The following RAB10 variants were observed in gnomAD, a reference collection of about 807,000 sequenced individuals.
The protein encoded by RAB10 is ras-related protein Rab-10.
In RAB10, 5 loss-of-function variants were observed where a neutral mutation model predicts 25.7. That is an observed-to-expected ratio of 0.19 (90% confidence interval 0.10 to 0.41). RAB10 has a LOEUF of 0.41. Among genes scored for constraint, RAB10 ranks in the 10% least tolerant of loss-of-function variants. The pLI is 1.00. For synonymous variants in RAB10, 89 were observed against 86.4 expected, an observed-to-expected ratio of 1.03 and a Z score of -0.16; for missense variants, 103 against 245.8, an observed-to-expected ratio of 0.42 and a Z score of 3.89.
intron 1 of RAB10, among the ~76,000 whole-genome samples, chr2:26,089,562 T>C (rs774620709): frequency 2.0e-5 from 3 of 152,214 alleles, no homozygotes; most frequent in Non-Finnish European, 4.4e-5. Flanking sequence ...AGAAGTCTTA[T>C]TACTTCAGGG....
intron 1 of RAB10, among the ~76,000 whole-genome samples, chr2:26,082,334 T>C (rs1666886181): frequency 6.6e-6 from 1 of 152,084 alleles, no homozygotes; most frequent in South Asian, 2.1e-4. Flanking sequence ...ACTGGGCACA[T>C]CTAATCAGCG....
At chr2:26,086,444 A>T (rs1378199920) in intron 1 of RAB10, among the ~76,000 whole-genome samples, 1 of 152,222 alleles carries the variant, frequency 6.6e-6, no homozygotes, top group East Asian at 1.9e-4. Flanking sequence ...TTAAAAACAC[A>T]AAAGGAAAGT....
intron 3 of RAB10, among the ~76,000 whole-genome samples, chr2:26,120,444 A>T (rs1010777975): frequency 1.3e-5 from 2 of 152,204 alleles, no homozygotes; most frequent in Admixed American, 6.5e-5. Flanking sequence ...AATGCCTCTT[A>T]CTTTTAGCAC....
intron 1 of RAB10, among the ~76,000 whole-genome samples, chr2:26,076,991 G>C (rs1372775728): frequency 6.7e-6 from 1 of 148,696 alleles, no homozygotes; most frequent in Non-Finnish European, 1.5e-5. Flanking sequence ...ACTATAAAGA[G>C]AGCTCAGAAA....
rs142110123 is a variant in RAB10, at chr2:26,133,260, G to A, written c.520-1678G>A. Reference sequence around the variant, plus strand: ...CATGAGAGAATAAGTTCTCAGGTACGTCCTAGCTTTCAAAATGTTGTGATG... The same window carrying A: ...CATGAGAGAATAAGTTCTCAGGTACATCCTAGCTTTCAAAATGTTGTGATG... On this transcript the variant is annotated intron_variant, in intron 5 of 5. Transcript: ENST00000264710. Among the ~76,000 whole-genome samples the A allele has an allele frequency of 7.8e-3, 1,183 of 152,166 alleles. 10 individuals carry two copies. Among genetic ancestry groups the A allele is most frequent in the Non-Finnish European group, 0.012 (845 of 68,008 alleles).
intron 1 of RAB10, among the ~76,000 whole-genome samples, chr2:26,040,650 C>T (rs1162526834): frequency 6.6e-6 from 1 of 151,798 alleles, no homozygotes; most frequent in African/African-American, 2.4e-5. Context: ...AGAGCGAGAC[C>T]GTGTATGATA....
intron 2 of RAB10, among the ~76,000 whole-genome samples, chr2:26,104,884 C>T (rs1667435980): frequency 6.6e-6 from 1 of 151,900 alleles, no homozygotes; most frequent in Non-Finnish European, 1.5e-5. Flanking sequence ...ACTACAGGTG[C>T]CCACCACCAC....
At chr2:26,127,099 G>A (rs1224934898) in intron 3 of RAB10, 45 bp from the exon 4 acceptor site, 31 of 1,370,130 alleles carry the variant, frequency 2.3e-5, no homozygotes, top group African/African-American at 2.9e-5. Context: ...CTGTTAAGCC[G>A]TAATTCATGG....
chr2:26,034,474 C>T lies in RAB10; in HGVS notation c.-135C>T. 5.7e-6 allele frequency: 7 copies of T among 1,232,660 alleles called. No homozygotes were observed. 76.4% of individuals were successfully genotyped at this position (1,232,660 alleles called of 1,614,324 possible). ...TTCCTCAAAGCTGTTCGTAGGTCGC[C>T]CGCGCCGTCTCGAGCCTTTTTCCCA... On this transcript the variant is annotated 5_prime_UTR_variant, in exon 1 of 6. Transcript: ENST00000264710.
At chr2:26,114,808 G>A (rs1299713830) in intron 3 of RAB10, among the ~76,000 whole-genome samples, 1 of 151,618 alleles carries the variant, frequency 6.6e-6, no homozygotes, top group African/African-American at 2.4e-5. Flanking sequence ...GGGAGGCTGA[G>A]GTGGGATCAC....
At chr2:26,067,103 G>A (rs957910740) in intron 1 of RAB10, among the ~76,000 whole-genome samples, 2 of 151,962 alleles carry the variant, frequency 1.3e-5, no homozygotes, top group African/African-American at 4.8e-5. Context: ...TTTTTGTAGA[G>A]ACGGGGTCTC....
At chr2:26,118,612 A>T (rs1667740828) in intron 3 of RAB10, among the ~76,000 whole-genome samples, 1 of 152,188 alleles carries the variant, frequency 6.6e-6, no homozygotes, top group Admixed American at 6.5e-5. Flanking sequence ...ATAGACAGTG[A>T]TCTCTAAATC....
chr2:26,116,777 C>T (rs4665310), intron 3 of RAB10, among the ~76,000 whole-genome samples: 5 of 151,594 alleles, frequency 3.3e-5, no homozygotes, highest in African/African-American at 1.2e-4. Context: ...AGGATGGTCT[C>T]GATCTCCTGA....
chr2:26,053,662 G>C (rs6546728), intron 1 of RAB10, among the ~76,000 whole-genome samples: 127,315 of 152,214 alleles, frequency 0.84, 53,690 homozygotes, highest in African/African-American at 0.96. Context: ...TATTCTTAGT[G>C]TTACATAAAT....
chr2:26,101,991 A>T (rs535907060), intron 2 of RAB10: 1 of 152,468 alleles, frequency 6.6e-6, no homozygotes, highest in East Asian at 1.9e-4. Context: ...CCTTGGTGAC[A>T]GAGAGCTATT....
intron 1 of RAB10, among the ~76,000 whole-genome samples, chr2:26,046,329 GAAAA>G (rs112698830): frequency 7.4e-4 from 90 of 121,190 alleles, no homozygotes; most frequent in Non-Finnish European, 1.4e-3. Context: ...CCGTCTCAAA[GAAAA>G]AAAAAAAAGA....
chr2:26,135,156 A>C lies in RAB10; in HGVS notation c.*135A>C. The C allele has an allele frequency of 1.6e-6, 1 of 613,058 alleles. No individual in the cohort carries two copies. Among genetic ancestry groups the C allele is most frequent in the Non-Finnish European group, 2.6e-6 (1 of 379,748 alleles). 38.0% of individuals were successfully genotyped at this position (613,058 alleles called of 1,614,324 possible). ...CTTAACTATCCAAGCCACCTATTTT[A>C]TTTGTTCTTTCATCTGTGACTGCTT... On this transcript the variant is annotated 3_prime_UTR_variant, in exon 6 of 6. Transcript: ENST00000264710.
chr2:26,086,850 A>G (rs556380575), intron 1 of RAB10, among the ~76,000 whole-genome samples: 2 of 152,340 alleles, frequency 1.3e-5, no homozygotes, highest in South Asian at 2.1e-4. Context: ...TAAACATACT[A>G]AGTGAAAGAA....
At chr2:26,068,236 A>G (rs997869167) in intron 1 of RAB10, among the ~76,000 whole-genome samples, 2 of 152,054 alleles carry the variant, frequency 1.3e-5, no homozygotes, top group African/African-American at 2.4e-5. Flanking sequence ...TGTGTTGCAA[A>G]TGTGACTTGT....
Sources: gnomAD v4.1 joint callset for allele counts (sites outside exome capture counted in the v4.1 genomes callset) on GRCh38, gnomAD v4.1.1 for gene constraint, MANE v1.5 for transcripts, NCBI Gene and HGNC (gene_info 2026-07-23, HGNC 2026-07-21) for gene names.